NMD3: variants seen among roughly 807,000 people sequenced by gnomAD.
NMD3 encodes 60S ribosomal export protein NMD3.
NMD3 carries 47 observed loss-of-function variants against 73.1 expected under a neutral mutation model. The ratio of observed to expected loss-of-function variants is 0.64; its 90% CI spans 0.51 to 0.82. The LOEUF is 0.82. Among genes scored for constraint, NMD3 ranks in the 40% least tolerant of loss-of-function variants. The pLI, the probability that NMD3 is intolerant of heterozygous loss-of-function variation, is 0.00. For missense variants in NMD3, 554 were observed against 612.5 expected, an observed-to-expected ratio of 0.90 and a Z score of 1.01; for synonymous variants, 210 against 194.5, an observed-to-expected ratio of 1.08 and a Z score of -0.66.
chr3:161,230,415 G>A lies in NMD3; in HGVS notation c.277-2984G>A, dbSNP rs551646220. On this transcript the variant is annotated intron_variant, in intron 4 of 15. Coordinates refer to ENST00000351193, the MANE Select transcript of NMD3 (RefSeq NM_015938.5). ...GCTTCCCAAAGTGTTGGGATTACAA[G>A]CATGAGCCACTGTGCTTGGCCAGGA... is the stretch of plus-strand genomic sequence containing the variant. Among the ~76,000 whole-genome samples, 86 of 152,246 alleles carry A rather than the reference G, an allele frequency of 5.6e-4. 2 individuals are homozygous for A. The South Asian group carries it at 0.017, about 31-fold the overall frequency.
chr3:161,240,637 A>G (rs920674131), intron 9 of NMD3, among the ~76,000 whole-genome samples: 8 of 145,984 alleles, frequency 5.5e-5, no homozygotes, highest in Admixed American at 1.4e-4. Flanking sequence ...CTGTCATTCC[A>G]CCTCAGCCTC....
intron 4 of NMD3, among the ~76,000 whole-genome samples, chr3:161,231,595 A>G (rs1436447360): frequency 1.3e-5 from 2 of 152,214 alleles, no homozygotes; most frequent in African/African-American, 4.8e-5. Flanking sequence ...TGCGGGTGGT[A>G]GAGTCTAATG....
At chr3:161,229,195 C>CT (rs765416415) in intron 4 of NMD3, among the ~76,000 whole-genome samples, 27 of 152,278 alleles carry the variant, frequency 1.8e-4, no homozygotes, top group Admixed American at 9.2e-4. Context: ...GTTTCTTACT[C>CT]TGAGTGTAAG....
In NMD3 at chr3:161,242,609, C is replaced by G. The variant is rs764028054; in HGVS notation, c.973C>G (p.Gln325Glu). 1.1e-5 allele frequency: 17 copies of G among 1,613,100 alleles called. No homozygotes were observed. The highest frequency in any genetic ancestry group is 1.4e-5 in the Non-Finnish European group (16 of 1,179,560). Residue 325 changes from glutamine (Q) to glutamate (E), a missense_variant, in exon 11 of 16, where the codon CAA becomes GAA. Coordinates refer to ENST00000351193, the MANE Select transcript of NMD3 (RefSeq NM_015938.5). ...EFIVMECSIV[Q>E]DIKRAAGAGM... is the part of the protein sequence containing the mutation. ...TATTGTGATGGAATGCAGCATAGTC[C>G]AAGATATAAAACGTGCTGCAGGTGC... is the stretch of plus-strand genomic sequence containing the variant.
intron 10 of NMD3, among the ~76,000 whole-genome samples, chr3:161,242,147 T>C (rs1205920715): frequency 2.0e-5 from 3 of 152,160 alleles, no homozygotes; most frequent in African/African-American, 7.2e-5. Context: ...AGAACTAGGC[T>C]TTATTTCCCA....
chr3:161,251,619 G>A lies in NMD3; in HGVS notation c.*709G>A, dbSNP rs1272571823. On this transcript the variant is annotated 3_prime_UTR_variant, in exon 16 of 16. Coordinates refer to ENST00000351193, the MANE Select transcript of NMD3 (RefSeq NM_015938.5). Reference sequence around the variant, plus strand: ...TCTTTTGTTGTTTTTGCCAGTTTAGGGCAGTAGCTGCTTTTGTCATAAATA... The same window carrying A: ...TCTTTTGTTGTTTTTGCCAGTTTAGAGCAGTAGCTGCTTTTGTCATAAATA... 1 of 151,996 alleles carries A rather than the reference G, an allele frequency of 6.6e-6. No individual in the cohort carries two copies. Among genetic ancestry groups the A allele is most frequent in the Non-Finnish European group, 1.5e-5 (1 of 68,002 alleles). The allele number at this position is 151,996 out of a possible 1,614,324, so 9.4% of individuals were successfully genotyped here.
rs1736616089 is a variant in NMD3, at chr3:161,233,400, T to TA, written c.279dup (p.Arg94ThrfsTer11). On this transcript the variant is annotated frameshift_variant and splice_region_variant, in exon 5 of 16. Transcript: ENST00000351193. LOFTEE classifies it high-confidence loss of function. The stretch of plus-strand genomic sequence containing the variant: ...CTTTTTGTTTGTGTTTTATTGAAGG[T>TA]ACGGCTTGTAGATGCAGGCTTTGTT... 1 of 1,607,750 alleles carries TA rather than the reference T, an allele frequency of 6.2e-7. No individual in the cohort carries two copies. The highest frequency in any genetic ancestry group is 1.3e-5 in the African/African-American group (1 of 74,736).
intron 13 of NMD3, 144 bp downstream of exon 13, chr3:161,247,474 A>ATT (rs372150378): frequency 2.1e-3 from 730 of 350,714 alleles, no homozygotes; most frequent in South Asian, 7.8e-3. Flanking sequence ...TAATAGCAAA[A>ATT]TTTTTTTTTT....
chr3:161,241,289 ATTGT>A (rs1576854136), intron 10 of NMD3, 126 bp downstream of exon 10: 3 of 631,218 alleles, frequency 4.8e-6, no homozygotes, highest in African/African-American at 3.7e-5. Flanking sequence ...AATTTGTGCT[ATTGT>A]TTAATACAAA....
Position 161,226,137 on chromosome 3 carries a change from G to A in NMD3, c.179+1073G>A, listed in dbSNP as rs186342828. On this transcript the variant is annotated intron_variant, in intron 3 of 15. Coordinates refer to ENST00000351193, the MANE Select transcript of NMD3 (RefSeq NM_015938.5). The stretch of plus-strand genomic sequence containing the variant: ...AATGAAGGGTTTTATTAGGTGATAT[G>A]TGAAGCCCTTTCTAACTCTAAACGT... Among the ~76,000 whole-genome samples, 53 of 152,042 alleles carry A rather than the reference G, an allele frequency of 3.5e-4. No individual in the cohort carries two copies. In the East Asian group the frequency reaches 8.5e-3, roughly 24 times the overall value.
In NMD3 at chr3:161,226,932, T is replaced by C. The variant is rs1576842627; in HGVS notation, c.180-315T>C. Among the ~76,000 whole-genome samples, 3 of 152,316 alleles carry C rather than the reference T, an allele frequency of 2.0e-5. No homozygotes were observed. The East Asian group carries it at 5.8e-4, about 29-fold the overall frequency. On this transcript the variant is annotated intron_variant, in intron 3 of 15. Coordinates refer to ENST00000351193, the MANE Select transcript of NMD3 (RefSeq NM_015938.5). ...TTTTAATGCCATTTTGAGATGATTC[T>C]CACCTGTTTTTCAGAGCATAGCTTT...
At chr3:161,233,288 A>G in intron 4 of NMD3, 111 bp from the exon 5 acceptor site, 1 of 657,900 alleles carries the variant, frequency 1.5e-6, no homozygotes. Context: ...TATGCTGATC[A>G]CAGATTCCTT....
chr3:161,232,478 A>T (rs1209086969), intron 4 of NMD3, among the ~76,000 whole-genome samples: 1 of 152,132 alleles, frequency 6.6e-6, no homozygotes, highest in African/African-American at 2.4e-5. Flanking sequence ...TACTGTCTTA[A>T]ACTGAAATGT....
intron 1 of NMD3, 36 bp from the exon 2 acceptor site, chr3:161,221,958 C>G: frequency 1.2e-6 from 1 of 864,862 alleles, no homozygotes; most frequent in Non-Finnish European, 1.7e-6. Context: ...CCAACATTCT[C>G]TTTTTTTTTT....
At chr3:161,227,810 G>T (rs1232155992) in intron 4 of NMD3, among the ~76,000 whole-genome samples, 1 of 152,004 alleles carries the variant, frequency 6.6e-6, no homozygotes, top group Non-Finnish European at 1.5e-5. Context: ...ACTTTTTAAA[G>T]TTATATATAT....
chr3:161,234,584 C>A, intron 5 of NMD3, 143 bp from the exon 6 acceptor site: 1 of 570,602 alleles, frequency 1.8e-6, no homozygotes, highest in Non-Finnish European at 3.0e-6. Context: ...GTTTTTATGA[C>A]TTTAAATTTG....
chr3:161,240,587 C>T (rs1251900820), intron 9 of NMD3, among the ~76,000 whole-genome samples: 1 of 132,538 alleles, frequency 7.5e-6, no homozygotes, highest in East Asian at 2.6e-4. Context: ...TGCAGTGGCA[C>T]CACCTTAACT....
rs201509848 is a variant in NMD3 at position 161,227,229 on chromosome 3, T to C, written c.180-18T>C. The C allele has an allele frequency of 4.0e-6, 6 of 1,495,392 alleles. No individual in the cohort carries two copies. Among genetic ancestry groups the C allele is most frequent in the Non-Finnish European group, 2.8e-6 (3 of 1,077,848 alleles). 92.6% of individuals were successfully genotyped at this position (1,495,392 alleles called of 1,614,324 possible). ...TCCTGACAGATGTTGGATTTCAGTA[T>C]GTTATCTTCTCTTTTAGGTATTTTC... On this transcript the variant is annotated intron_variant, in intron 3 of 15. Transcript: ENST00000351193.
chr3:161,221,529 G>C (rs1361688042), intron 1 of NMD3, 120 bp downstream of exon 1: 1 of 152,748 alleles, frequency 6.5e-6, no homozygotes, highest in Non-Finnish European at 1.5e-5. Context: ...CCCGGAACCC[G>C]TGTGCGGTCG....
Sources: allele counts gnomAD v4.1 joint callset (sites outside exome capture counted in the v4.1 genomes callset), GRCh38; gene constraint gnomAD v4.1.1; transcripts MANE v1.5; gene names NCBI Gene and HGNC (gene_info 2026-07-23, HGNC 2026-07-21).